Variants in CORO2B observed in about 807,000 individuals in gnomAD.
CORO2B encodes the protein coronin 2B, also known as coronin-2B.
In CORO2B, 26 loss-of-function variants were observed where a neutral mutation model predicts 58.8. The observed-to-expected ratio is 0.44, with a 90% confidence interval of 0.32 to 0.61. CORO2B has a LOEUF of 0.61. CORO2B is among the 20% of genes least tolerant of loss of function. CORO2B has a pLI of 0.04. For synonymous variants in CORO2B, 242 were observed against 253.8 expected, an observed-to-expected ratio of 0.95 and a Z score of 0.44; for missense variants, 460 against 645.1, an observed-to-expected ratio of 0.71 and a Z score of 3.11.
Position 68,705,829 on chromosome 15 carries a change from C to T in CORO2B, c.334-4903C>T. 1.3e-5 allele frequency among the ~76,000 whole-genome samples: 2 copies of T among 152,264 alleles called. 1 individual carries two copies. ...GAGCTCTGCACCCAGTTTACTTGAA[C>T]CCACACACCTCTAACAGGTACAGTC... On this transcript the variant is annotated intron_variant, in intron 3 of 11. Transcript: ENST00000261861.
chr15:68,576,051 G>A (rs886105129), upstream of CORO2B, among the ~76,000 whole-genome samples: 2 of 151,062 alleles, frequency 1.3e-5, no homozygotes, highest in Non-Finnish European at 1.5e-5. Flanking sequence ...TACTCAGGAG[G>A]TGGAGGTGGG....
intron 1 of CORO2B, among the ~76,000 whole-genome samples, chr15:68,613,306 C>A (rs924260587): frequency 1.3e-5 from 2 of 152,168 alleles, no homozygotes; most frequent in African/African-American, 4.8e-5. Flanking sequence ...GCAATTTCTG[C>A]AAAAAACAAA....
At chr15:68,536,888 T>A in the CORO2B span, among the ~76,000 whole-genome samples, 2 of 152,198 alleles carry the variant, frequency 1.3e-5, no homozygotes, top group Admixed American at 1.3e-4. Flanking sequence ...TTGGCTGGAA[T>A]GTTGGCCTGC....
At chr15:68,666,543 C>T (rs928778481) in intron 2 of CORO2B, among the ~76,000 whole-genome samples, 2 of 152,206 alleles carry the variant, frequency 1.3e-5, no homozygotes, top group Non-Finnish European at 2.9e-5. Flanking sequence ...TCTACTACTC[C>T]TTCCCTGCTG....
chr15:68,581,041 C>T (rs574785642), intron 1 of CORO2B, among the ~76,000 whole-genome samples: 4 of 152,264 alleles, frequency 2.6e-5, no homozygotes, highest in Admixed American at 1.3e-4. Context: ...TGCTCTGCAT[C>T]GTTGGGCATC....
chr15:68,590,363 C>G (rs1042612184), intron 1 of CORO2B, among the ~76,000 whole-genome samples: 1 of 152,178 alleles, frequency 6.6e-6, no homozygotes, highest in African/African-American at 2.4e-5. Flanking sequence ...GCTGCCCCCC[C>G]ATGCCCAGCC....
At chr15:68,534,294 A>T in the CORO2B span, among the ~76,000 whole-genome samples, 2 of 152,212 alleles carry the variant, frequency 1.3e-5, no homozygotes, top group Non-Finnish European at 2.9e-5. Flanking sequence ...ACCTGCACAT[A>T]TGTGTGCACA....
intron 6 of CORO2B, 26 bp from the exon 7 acceptor site, chr15:68,714,533 G>A: frequency 6.3e-7 from 1 of 1,585,798 alleles, no homozygotes; most frequent in Non-Finnish European, 8.7e-7. Context: ...CCTGCAGAGA[G>A]GCTGAGACCA....
At chr15:68,705,909 C>T (rs1359201610) in intron 3 of CORO2B, among the ~76,000 whole-genome samples, 1 of 152,210 alleles carries the variant, frequency 6.6e-6, no homozygotes, top group Non-Finnish European at 1.5e-5. Flanking sequence ...GGCTTGTTCA[C>T]AGTCACTCAG....
At chr15:68,669,731 A>ATAT (rs1902320583) in intron 2 of CORO2B, among the ~76,000 whole-genome samples, 1 of 152,102 alleles carries the variant, frequency 6.6e-6, no homozygotes, top group Non-Finnish European at 1.5e-5. Flanking sequence ...TAAAATAAAT[A>ATAT]TATTTTTCTT....
intron 1 of CORO2B, among the ~76,000 whole-genome samples, chr15:68,582,977 A>G (rs1334678122): frequency 6.6e-6 from 1 of 152,170 alleles, no homozygotes; most frequent in East Asian, 1.9e-4. Flanking sequence ...AGGCCTTAGG[A>G]GAGGGAGTGT....
Position 68,719,252 on chromosome 15 carries a change from T to A in CORO2B, c.1171+18T>A, listed in dbSNP as rs370699684. On this transcript the variant is annotated intron_variant, in intron 10 of 11. Coordinates refer to ENST00000261861, the MANE Select transcript of CORO2B (RefSeq NM_006091.5). The stretch of plus-strand genomic sequence containing the variant: ...CAACCGAGGTACCACAGCGGGGGGC[T>A]CCACAGAGCACAGGCGGCTGCAGCC... 2 of 1,611,694 alleles carry A rather than the reference T, an allele frequency of 1.2e-6. No homozygotes were observed. Among genetic ancestry groups the A allele is most frequent in the African/African-American group, 1.3e-5 (1 of 74,878 alleles).
intron 2 of CORO2B, among the ~76,000 whole-genome samples, chr15:68,654,371 C>T (rs1465516057): frequency 6.6e-6 from 1 of 152,236 alleles, no homozygotes; most frequent in Non-Finnish European, 1.5e-5. Flanking sequence ...GCTGAGCTGT[C>T]TTCCTGGCTC....
At chr15:68,665,632 G>A (rs1049690655) in intron 2 of CORO2B, among the ~76,000 whole-genome samples, 3 of 151,768 alleles carry the variant, frequency 2.0e-5, no homozygotes, top group African/African-American at 4.8e-5. Flanking sequence ...GTGTCCTTTT[G>A]TGGTGTATTA....
At chr15:68,590,438 G>A (rs1330657324) in intron 1 of CORO2B, among the ~76,000 whole-genome samples, 1 of 152,126 alleles carries the variant, frequency 6.6e-6, no homozygotes, top group African/African-American at 2.4e-5. Flanking sequence ...CAGAGGGGGA[G>A]ACAGCCTCCG....
chr15:68,621,630 CT>C, intron 1 of CORO2B, among the ~76,000 whole-genome samples: 1 of 152,206 alleles, frequency 6.6e-6, no homozygotes, highest in East Asian at 1.9e-4. Context: ...AGAGATTGGC[CT>C]TGCTTTGGTT....
At chr15:68,552,923 C>T in the CORO2B span, among the ~76,000 whole-genome samples, 367 of 152,350 alleles carry the variant, frequency 2.4e-3, 1 homozygote, top group African/African-American at 8.4e-3. Context: ...AGCTGCGCTT[C>T]CTGCTGTCAG....
intron 1 of CORO2B, among the ~76,000 whole-genome samples, chr15:68,633,701 A>G (rs2140262567): frequency 6.6e-6 from 1 of 152,078 alleles, no homozygotes; most frequent in East Asian, 1.9e-4. Context: ...AAGAACTTCA[A>G]CTTCTCCTTT....
chr15:68,597,977 T>A (rs1899883411), intron 1 of CORO2B, among the ~76,000 whole-genome samples: 1 of 152,124 alleles, frequency 6.6e-6, no homozygotes, highest in Non-Finnish European at 1.5e-5. Flanking sequence ...TGGGTATGAG[T>A]TAGAAGTCAG....
Sources: allele counts gnomAD v4.1 joint callset (sites outside exome capture counted in the v4.1 genomes callset), GRCh38; gene constraint gnomAD v4.1.1; transcripts MANE v1.5; gene names NCBI Gene and HGNC (gene_info 2026-07-23, HGNC 2026-07-21).